Variants in PRKRIP1 observed in about 807,000 individuals in gnomAD.
PRKRIP1 encodes PRKR-interacting protein 1.
In PRKRIP1, 29 loss-of-function variants were observed where a neutral mutation model predicts 29.3. The ratio of observed to expected loss-of-function variants is 0.99; its 90% CI spans 0.74 to 1.35. The LOEUF (loss-of-function observed/expected upper bound fraction) is 1.35, where lower values mean the gene tolerates loss of function less well. Among genes scored for constraint, PRKRIP1 ranks in the 40% most tolerant of loss-of-function variants. The pLI is 0.00. For synonymous variants in PRKRIP1, 90 were observed against 85.1 expected, an observed-to-expected ratio of 1.06 and a Z score of -0.32; for missense variants, 247 against 236.8, an observed-to-expected ratio of 1.04 and a Z score of -0.28.
chr7:102,423,384 G>A (rs782434228), intron 5 of PRKRIP1: 75 of 345,914 alleles, frequency 2.2e-4, no homozygotes, highest in Non-Finnish European at 3.5e-4. Flanking sequence ...AGGGTGTTGG[G>A]ATTACAGACA....
rs371818662 is a variant in PRKRIP1, at chr7:102,396,426, C to T, written c.15C>T (p.Ala5=). 1.1e-4 allele frequency: 176 copies of T among 1,585,782 alleles called. No homozygotes were observed. In the African/African-American group the frequency reaches 1.5e-3, roughly 13 times the overall value. The change falls in exon 1 of 6, where the codon GCC becomes GCT. Residue 5 remains alanine (A), a synonymous_variant. Coordinates refer to ENST00000397912, the MANE Select transcript of PRKRIP1 (RefSeq NM_024653.4). ...GGAAGGCTGCCATGGCTAGCCCAGC[C>T]GCCTCCTCGGTGCGACCACCGAGGC... is the stretch of plus-strand genomic sequence containing the variant. MASP[A]ASSVRPPRPK...
At position 102,425,365 on chromosome 7, in the gene PRKRIP1, C is replaced by A; in HGVS notation, c.*254C>A. The A allele has an allele frequency of 1.7e-6, 1 of 604,302 alleles. No individual in the cohort carries two copies. The allele number at this position is 604,302 out of a possible 1,614,324, so 37.4% of individuals were successfully genotyped here. A position where few individuals can be genotyped will look rare whatever the true frequency, so the allele number is the denominator to read the frequency against. ...TGGTAAAGGGGGACAGAGAGCCTCA[C>A]CTTGCCACATATTTGAACAGTGATG... On this transcript the variant is annotated 3_prime_UTR_variant, in exon 6 of 6. Coordinates refer to ENST00000397912, the MANE Select transcript of PRKRIP1 (RefSeq NM_024653.4).
intron 5 of PRKRIP1, among the ~76,000 whole-genome samples, chr7:102,408,281 G>A (rs1392053685): frequency 6.6e-6 from 1 of 150,804 alleles, no homozygotes; most frequent in African/African-American, 2.4e-5. Context: ...TAGATACTAG[G>A]TCTCTTTGCC....
At chr7:102,398,142 C>G (rs1242640147) in intron 2 of PRKRIP1, among the ~76,000 whole-genome samples, 1 of 152,028 alleles carries the variant, frequency 6.6e-6, no homozygotes, top group African/African-American at 2.4e-5. Context: ...TCGTGTTTTG[C>G]TTTTACAATG....
chr7:102,415,991 C>A lies in PRKRIP1; in HGVS notation c.457+8493C>A, dbSNP rs75865461. ...GGCTGCCTGTACTCTGTTCACGCCG[C>A]CTGACTTCTCATCTGACTGGAGAAG... is the stretch of plus-strand genomic sequence containing the variant. On this transcript the variant is annotated intron_variant, in intron 5 of 5. Transcript: ENST00000397912. Among the ~76,000 whole-genome samples, 573 of 152,358 alleles carry A rather than the reference C, an allele frequency of 3.8e-3. 6 individuals carry two copies. Among genetic ancestry groups the A allele is most frequent in the African/African-American group, 0.013 (556 of 41,590 alleles).
At chr7:102,405,073 C>T (rs1796178310) in intron 4 of PRKRIP1, among the ~76,000 whole-genome samples, 1 of 152,070 alleles carries the variant, frequency 6.6e-6, no homozygotes, top group Non-Finnish European at 1.5e-5. Context: ...ATTACAGGTG[C>T]CTGCCACCAT....
At chr7:102,412,034 C>T (rs145530545) in intron 5 of PRKRIP1, among the ~76,000 whole-genome samples, 81 of 152,102 alleles carry the variant, frequency 5.3e-4, no homozygotes, top group African/African-American at 1.8e-3. Flanking sequence ...CCCCTGCCTC[C>T]ACCATGCCCG....
chr7:102,401,062 A>G (rs918298269), intron 3 of PRKRIP1, among the ~76,000 whole-genome samples: 3 of 152,172 alleles, frequency 2.0e-5, no homozygotes, highest in African/African-American at 7.2e-5. Context: ...ATGCACCAAA[A>G]CAAACAAACA....
Position 102,404,538 on chromosome 7 carries a change from A to G in PRKRIP1, c.307-60A>G, listed in dbSNP as rs1586678843. The G allele has an allele frequency of 4.8e-6, 7 of 1,461,390 alleles. No individual in the cohort carries two copies. The East Asian group carries it at 1.6e-4, about 33-fold the overall frequency. 90.5% of individuals were successfully genotyped at this position (1,461,390 alleles called of 1,614,324 possible). On this transcript the variant is annotated intron_variant, in intron 3 of 5. Transcript: ENST00000397912. Reference sequence around the variant, plus strand: ...TAGAACTCTCCTACTTTGCCTGAGCAAAACCTCCCACAGTCTGCCCAGACC... The same window carrying G: ...TAGAACTCTCCTACTTTGCCTGAGCGAAACCTCCCACAGTCTGCCCAGACC...
At chr7:102,412,994 G>T (rs1348764481) in intron 5 of PRKRIP1, among the ~76,000 whole-genome samples, 1 of 152,184 alleles carries the variant, frequency 6.6e-6, no homozygotes, top group African/African-American at 2.4e-5. Flanking sequence ...ACATAGGCCT[G>T]CCCATCAAAG....
chr7:102,404,560 G>T, intron 3 of PRKRIP1, 38 bp from the exon 4 acceptor site: 2 of 1,570,062 alleles, frequency 1.3e-6, no homozygotes, highest in South Asian at 2.2e-5. Context: ...AGTCTGCCCA[G>T]ACCAGAGCGT....
rs782176976 is a variant in PRKRIP1, at chr7:102,425,144, G to A, written c.*33G>A. 1.3e-6 allele frequency: 2 copies of A among 1,596,834 alleles called. No individual in the cohort carries two copies. Among genetic ancestry groups the A allele is most frequent in the African/African-American group, 1.3e-5 (1 of 74,914 alleles). The stretch of plus-strand genomic sequence containing the variant: ...TGCCACAGCCTCTGCCTGGAACCTG[G>A]CTCGTGCTGTGACCAGAAGGGAAAG... On this transcript the variant is annotated 3_prime_UTR_variant, in exon 6 of 6. Coordinates refer to ENST00000397912, the MANE Select transcript of PRKRIP1 (RefSeq NM_024653.4).
chr7:102,424,982 A>T (rs1586699966), intron 5 of PRKRIP1, 32 bp from the exon 6 acceptor site: 1 of 1,600,600 alleles, frequency 6.2e-7, no homozygotes, highest in Admixed American at 1.8e-5. Flanking sequence ...ACGATTTTGC[A>T]TGTCTGTAAT....
intron 3 of PRKRIP1, among the ~76,000 whole-genome samples, chr7:102,400,052 A>G (rs1796022403): frequency 6.6e-6 from 1 of 152,018 alleles, no homozygotes; most frequent in Admixed American, 6.6e-5. Context: ...TTGAGGAAGA[A>G]TAGATACTGC....
chr7:102,410,164 T>G (rs1369772498), intron 5 of PRKRIP1, among the ~76,000 whole-genome samples: 1 of 152,122 alleles, frequency 6.6e-6, no homozygotes, highest in Non-Finnish European at 1.5e-5. Context: ...TACTTCCTGC[T>G]TGCACAGAGC....
At chr7:102,404,830 C>A in intron 4 of PRKRIP1, 147 bp downstream of exon 4, 1 of 571,740 alleles carries the variant, frequency 1.7e-6, no homozygotes, top group Non-Finnish European at 3.1e-6. Context: ...GAGCAGAGAG[C>A]AAGTTCCTTA....
intron 2 of PRKRIP1, among the ~76,000 whole-genome samples, chr7:102,398,251 C>T (rs1167415795): frequency 1.3e-5 from 2 of 151,938 alleles, no homozygotes; most frequent in Admixed American, 1.3e-4. Context: ...GAATTTTCTC[C>T]TGCAGTATTG....
chr7:102,422,140 CAAA>C (rs1403515338), intron 5 of PRKRIP1, among the ~76,000 whole-genome samples: 1 of 124,444 alleles, frequency 8.0e-6, no homozygotes, highest in Admixed American at 8.7e-5. Flanking sequence ...GTTTCATACA[CAAA>C]ATTATTATTA....
Position 102,397,632 on chromosome 7 carries a change from C to G in PRKRIP1, c.139C>G (p.Pro47Ala). The G allele has an allele frequency of 6.2e-7, 1 of 1,613,748 alleles. No individual in the cohort carries two copies. Among genetic ancestry groups the G allele is most frequent in the Non-Finnish European group, 8.5e-7 (1 of 1,179,804 alleles). The change falls in exon 2 of 6, where the codon CCA becomes GCA. Residue 47 changes from proline (P) to alanine (A), a missense_variant. Physicochemically the swap from Pro to Ala is conservative, Grantham distance 27. Transcript: ENST00000397912. ...TTAAATGTTGCAGGACAAAGCAGTT[C>G]CAATTCCAGAGAAAATGAGTGAATG... ...RLMKNPDKAV[P>A]IPEKMSEWAP...
Sources: allele counts gnomAD v4.1 joint callset (sites outside exome capture counted in the v4.1 genomes callset), GRCh38; gene constraint gnomAD v4.1.1; transcripts MANE v1.5; gene names NCBI Gene and HGNC (gene_info 2026-07-23, HGNC 2026-07-21).